Variants in MOB3B observed in about 807,000 individuals in gnomAD.
MOB3B encodes the protein MOB kinase activator-like 2B.
A neutral mutation model predicts 18.7 loss-of-function variants in MOB3B; 7 were observed. The ratio of observed to expected loss-of-function variants is 0.37; its 90% CI spans 0.21 to 0.70. The LOEUF (loss-of-function observed/expected upper bound fraction) is 0.70. MOB3B is among the 30% of genes least tolerant of loss of function. The pLI is 0.52. For synonymous variants in MOB3B, 111 were observed against 99.9 expected (o/e 1.11, Z -0.66); for missense variants, 253 against 281.3 (o/e 0.90, Z 0.72).
chr9:27,464,765 C>T (rs554727296), intron 1 of MOB3B, among the ~76,000 whole-genome samples: 1 of 152,170 alleles, frequency 6.6e-6, no homozygotes, highest in South Asian at 2.1e-4. Flanking sequence ...GTGGAAGACA[C>T]TTCTTACATG....
chr9:27,361,516 G>A (rs763673873), intron 2 of MOB3B, among the ~76,000 whole-genome samples: 12 of 152,180 alleles, frequency 7.9e-5, no homozygotes, highest in Non-Finnish European at 1.0e-4. Context: ...TGCCTTCAAC[G>A]AGAGTATGTT....
chr9:27,458,762 C>A (rs948774831), intron 1 of MOB3B, among the ~76,000 whole-genome samples: 3 of 151,798 alleles, frequency 2.0e-5, no homozygotes, highest in African/African-American at 7.3e-5. Flanking sequence ...CACTTTGTTG[C>A]CTAGGCTGGT....
chr9:27,382,323 A>G (rs1224241869), intron 2 of MOB3B, among the ~76,000 whole-genome samples: 4 of 152,140 alleles, frequency 2.6e-5, no homozygotes, highest in African/African-American at 9.7e-5. Context: ...TATCAGATCG[A>G]TTCTCTTTCT....
Position 27,459,876 on chromosome 9 carries a change from C to CAA in MOB3B, c.-198-4130_-198-4129dup, listed in dbSNP as rs35792761. Among the ~76,000 whole-genome samples the CAA allele has an allele frequency of 2.9e-3, 252 of 86,336 alleles. 3 individuals carry two copies. The highest frequency in any genetic ancestry group is 0.021 in the East Asian group (62 of 2,974). The allele number at this position is 86,336 out of a possible 152,430, so 56.6% of individuals were successfully genotyped here. On this transcript the variant is annotated intron_variant, in intron 1 of 3. Transcript: ENST00000262244. ...TTATTTTCTGTCCTGTTTCAGTCTC[C>CAA]AAAAAAAAAAAAAAAAAAAAAAGTC...
rs576943381 is a variant in MOB3B at position 27,395,756 on chromosome 9, T to C, written c.419-36520A>G. On this transcript the variant is annotated intron_variant, in intron 2 of 3. Coordinates refer to ENST00000262244, the MANE Select transcript of MOB3B (RefSeq NM_024761.5). ...AGAACGGTAGCAAGAGCCCAGGTCC[T>C]GGAGCCAAGCTGACCAGGGCTGAGT... Among the ~76,000 whole-genome samples, 33 of 152,362 alleles carry C rather than the reference T, an allele frequency of 2.2e-4. No homozygotes were observed. In the South Asian group the frequency reaches 5.6e-3, roughly 26 times the overall value.
intron 2 of MOB3B, among the ~76,000 whole-genome samples, chr9:27,413,071 T>C (rs1233299902): frequency 2.0e-5 from 3 of 152,158 alleles, no homozygotes; most frequent in Non-Finnish European, 2.9e-5. Context: ...CTATCTTCTG[T>C]CTCCTGCTCC....
intron 1 of MOB3B, among the ~76,000 whole-genome samples, chr9:27,481,502 T>TG (rs1819650048): frequency 9.7e-6 from 1 of 103,038 alleles, no homozygotes; most frequent in Admixed American, 1.2e-4. Flanking sequence ...AGGTAGTTTT[T>TG]TTTTTTTTGT....
chr9:27,380,626 G>A (rs535095201), intron 2 of MOB3B, among the ~76,000 whole-genome samples: 5 of 152,092 alleles, frequency 3.3e-5, no homozygotes, highest in African/African-American at 7.2e-5. Context: ...TCTCATTAAC[G>A]ATGACTCTGG....
intron 3 of MOB3B, among the ~76,000 whole-genome samples, chr9:27,357,148 G>A (rs1474248150): frequency 6.4e-3 from 437 of 67,990 alleles, no homozygotes; most frequent in Middle Eastern, 0.022. Flanking sequence ...ATATATATGT[G>A]TTTTTTTTTT....
At chr9:27,526,263 A>G (rs1284765761) in intron 1 of MOB3B, 1 of 152,236 alleles carries the variant, frequency 6.6e-6, no homozygotes, top group African/African-American at 2.4e-5. Context: ...GTTTAAAAGA[A>G]CAAGAACAAA....
intron 2 of MOB3B, among the ~76,000 whole-genome samples, chr9:27,448,560 G>A (rs561794263): frequency 6.6e-6 from 1 of 152,272 alleles, no homozygotes; most frequent in Admixed American, 6.5e-5. Context: ...AGAACAGTAT[G>A]GGGGAAAGTG....
chr9:27,417,436 G>T (rs546859834), intron 2 of MOB3B, among the ~76,000 whole-genome samples: 1 of 152,070 alleles, frequency 6.6e-6, no homozygotes, highest in Non-Finnish European at 1.5e-5. Flanking sequence ...GCATACATGA[G>T]AGGGAAAGAA....
At chr9:27,501,482 G>A (rs1563884448) in intron 1 of MOB3B, among the ~76,000 whole-genome samples, 1 of 151,760 alleles carries the variant, frequency 6.6e-6, no homozygotes, top group East Asian at 1.9e-4. Flanking sequence ...CCATCATTCT[G>A]AGCAAACTAC....
intron 1 of MOB3B, among the ~76,000 whole-genome samples, chr9:27,498,631 A>G (rs1021003098): frequency 6.6e-6 from 1 of 152,212 alleles, no homozygotes; most frequent in Non-Finnish European, 1.5e-5. Context: ...GTTTATTCTC[A>G]ATGTCAGAAT....
chr9:27,337,402 T>G (rs1348117540), intron 3 of MOB3B, among the ~76,000 whole-genome samples: 1 of 152,208 alleles, frequency 6.6e-6, no homozygotes, highest in East Asian at 1.9e-4. Flanking sequence ...CCCCTGCCCT[T>G]CCTGCCTCCA....
chr9:27,439,025 C>T lies in MOB3B; in HGVS notation c.418+16108G>A, dbSNP rs1309123248. Among the ~76,000 whole-genome samples, 4 of 152,148 alleles carry T rather than the reference C, an allele frequency of 2.6e-5. No individual in the cohort carries two copies. The East Asian group carries it at 7.7e-4, about 29-fold the overall frequency. On this transcript the variant is annotated intron_variant, in intron 2 of 3. Transcript: ENST00000262244. ...CTACTATGGGAGAAAAACACAACAG[C>T]TCCTTTGCAGAAATATGGTACTTAC...
chr9:27,507,787 T>C (rs1820081735), intron 1 of MOB3B, among the ~76,000 whole-genome samples: 1 of 152,212 alleles, frequency 6.6e-6, no homozygotes, highest in African/African-American at 2.4e-5. Context: ...AAATATCTTT[T>C]GAAGAATGAC....
At chr9:27,436,996 G>C (rs1022650835) in intron 2 of MOB3B, among the ~76,000 whole-genome samples, 3 of 149,198 alleles carry the variant, frequency 2.0e-5, no homozygotes, top group South Asian at 2.2e-4. Context: ...AGCTGGGAGT[G>C]GGGGGAAGAC....
chr9:27,330,667 C>T (rs750454801), intron 3 of MOB3B, 51 bp from the exon 4 acceptor site: 21 of 1,611,586 alleles, frequency 1.3e-5, no homozygotes, highest in South Asian at 2.2e-5. Context: ...AGCAGAGCAA[C>T]GATTTGGTGA....
Sources: allele counts gnomAD v4.1 joint callset (sites outside exome capture counted in the v4.1 genomes callset), GRCh38; gene constraint gnomAD v4.1.1; transcripts MANE v1.5; gene names NCBI Gene and HGNC (gene_info 2026-07-23, HGNC 2026-07-21).